NFATC2: variants seen among roughly 807,000 people sequenced by gnomAD.
NFATC2 encodes nuclear factor of activated T-cells, cytoplasmic 2.
NFATC2 carries 22 observed loss-of-function variants against 87.3 expected under a neutral mutation model. The ratio of observed to expected loss-of-function variants is 0.25; its 90% confidence interval spans 0.18 to 0.36. NFATC2 has a LOEUF of 0.36. NFATC2 is among the 10% of genes least tolerant of loss of function. The pLI, the probability that NFATC2 is intolerant of heterozygous loss-of-function variation, is 1.00. For missense variants in NFATC2, 1,149 were observed against 1,259.1 expected, an observed-to-expected ratio of 0.91 and a Z score of 1.32; for synonymous variants, 565 against 542.2, an observed-to-expected ratio of 1.04 and a Z score of -0.58.
At chr20:51,494,132 C>T (rs1226759757) in intron 3 of NFATC2, among the ~76,000 whole-genome samples, 5 of 151,994 alleles carry the variant, frequency 3.3e-5, no homozygotes, top group East Asian at 3.9e-4. Flanking sequence ...GCTCGGTCAC[C>T]GTTACTTTGC....
intron 5 of NFATC2, among the ~76,000 whole-genome samples, chr20:51,472,884 G>A (rs1416188459): frequency 8.6e-5 from 13 of 151,992 alleles, no homozygotes; most frequent in Non-Finnish European, 1.5e-5. Context: ...ATCCACCAAA[G>A]TGCTGGGATT....
At chr20:51,449,726 A>T (rs1310136423) in intron 6 of NFATC2, among the ~76,000 whole-genome samples, 1 of 152,166 alleles carries the variant, frequency 6.6e-6, no homozygotes, top group Non-Finnish European at 1.5e-5. Context: ...ACTGCCCTTT[A>T]TCAGCTGTGT....
rs374018534 is a variant in NFATC2, at chr20:51,524,069, G to A, written c.172C>T (p.Pro58Ser). 2.8e-5 allele frequency: 42 copies of A among 1,483,198 alleles called. No individual in the cohort carries two copies. Among genetic ancestry groups the A allele is most frequent in the East Asian group, 5.0e-5 (2 of 39,852 alleles). 91.9% of individuals were successfully genotyped at this position (1,483,198 alleles called of 1,614,324 possible). Residue 58 changes from proline (P) to serine (S), a missense_variant, in exon 2 of 11, where the codon CCC becomes TCC. Physicochemically the swap from Pro to Ser is moderately conservative, Grantham distance 74. Coordinates refer to ENST00000371564, the MANE Select transcript of NFATC2 (RefSeq NM_012340.5). This position sits in a 1 kb window ranked among gnomAD's most constrained non-coding sequence, Gnocchi z 4.0. ...TCCAGGACATCATCGGGGTATGCGG[G>A]TCCGGAGGGTGGGCTGGCGACCTTA... ...AHKVASPPSGPAYPDDVLDYG... is the reference protein window; with the variant it reads ...AHKVASPPSGSAYPDDVLDYG...
At chr20:51,403,370 G>C (rs1034641430) in intron 9 of NFATC2, among the ~76,000 whole-genome samples, 2 of 152,174 alleles carry the variant, frequency 1.3e-5, no homozygotes, top group African/African-American at 2.4e-5. Flanking sequence ...CACCTGGAGT[G>C]ACCAGCAAGG....
intron 9 of NFATC2, among the ~76,000 whole-genome samples, chr20:51,417,585 C>T (rs1980221961): frequency 6.6e-6 from 1 of 152,152 alleles, no homozygotes; most frequent in Non-Finnish European, 1.5e-5. Flanking sequence ...TATGCCCGTC[C>T]CCATCGTCAC....
At chr20:51,457,532 AAC>A (rs1986682395) in intron 5 of NFATC2, among the ~76,000 whole-genome samples, 1 of 151,966 alleles carries the variant, frequency 6.6e-6, no homozygotes, top group African/African-American at 2.4e-5. Context: ...CTCAGCAACC[AAC>A]AGATTCAACC....
chr20:51,449,246 AAAG>A (rs1985472479), intron 6 of NFATC2, among the ~76,000 whole-genome samples: 1 of 152,136 alleles, frequency 6.6e-6, no homozygotes, highest in African/African-American at 2.4e-5. Flanking sequence ...GTTTTGGAAA[AAAG>A]AAGTTGAGCA....
At position 51,396,789 on chromosome 20, in the gene NFATC2, G is replaced by GA. The variant is rs373727294; in HGVS notation, c.*44+1853dup. On this transcript the variant is annotated intron_variant, in intron 10 of 10. Coordinates refer to ENST00000371564, the MANE Select transcript of NFATC2 (RefSeq NM_012340.5). ...CCTCCATGCTTGGGTCAGGATGCAT[G>GA]AACCTGAAAGCACATGAAGTCCTCT... Among the ~76,000 whole-genome samples, 1,458 of 152,292 alleles carry GA rather than the reference G, an allele frequency of 9.6e-3. 29 individuals are homozygous for GA. Among genetic ancestry groups the GA allele is most frequent in the African/African-American group, 0.034 (1,412 of 41,552 alleles).
intron 6 of NFATC2, among the ~76,000 whole-genome samples, chr20:51,445,876 C>T (rs1984995085): frequency 6.6e-6 from 1 of 152,198 alleles, no homozygotes; most frequent in South Asian, 2.1e-4. Context: ...CTTGGATGCT[C>T]AGTCAAGGTC....
chr20:51,557,745 C>T lies in NFATC2; in HGVS notation c.70+4815G>A, dbSNP rs527409440. ...AAGCCACAGAACTTCTCCTGTGCTG[C>T]ACTCATTCCTAACTCATTCATTCAT... On this transcript the variant is annotated intron_variant, in intron 1 of 10. Transcript: ENST00000414705. Among the ~76,000 whole-genome samples the T allele has an allele frequency of 6.8e-4, 103 of 152,298 alleles. No individual in the cohort carries two copies. The Middle Eastern group carries it at 0.017, about 25-fold the overall frequency.
chr20:51,555,260 G>C (rs1035290027), intron 1 of NFATC2, among the ~76,000 whole-genome samples: 5 of 152,120 alleles, frequency 3.3e-5, no homozygotes, highest in Non-Finnish European at 7.4e-5. Context: ...TCCCCCAGGG[G>C]CTCCTGATTA....
At chr20:51,549,805 C>T (rs759564143) in intron 1 of NFATC2, among the ~76,000 whole-genome samples, 3 of 152,228 alleles carry the variant, frequency 2.0e-5, no homozygotes, top group Non-Finnish European at 4.4e-5. Flanking sequence ...ATGTGACATG[C>T]AGAGTCACAC....
rs1366847197 is a variant in NFATC2 at position 51,524,498 on chromosome 20, C to A, written c.131-388G>T. 6.6e-6 allele frequency among the ~76,000 whole-genome samples: 1 copy of A among 152,224 alleles called. No individual in the cohort carries two copies. Among genetic ancestry groups the A allele is most frequent in the Non-Finnish European group, 1.5e-5 (1 of 68,042 alleles). On this transcript the variant is annotated intron_variant, in intron 1 of 10. Coordinates refer to ENST00000371564, the MANE Select transcript of NFATC2 (RefSeq NM_012340.5). The surrounding 1 kb of genome is among the most constrained non-coding windows in gnomAD (Gnocchi z 4.0). ...TACATGACACCCTCAGACCCTCCCT[C>A]CTGCCTGAGTGATTTTGCTTCAACG...
intron 3 of NFATC2, among the ~76,000 whole-genome samples, chr20:51,478,173 G>A (rs73271838): frequency 0.14 from 20,978 of 152,150 alleles, 1,805 homozygotes; most frequent in African/African-American, 0.24. Context: ...CCTGAGAGGC[G>A]GCCTTGGGCC....
chr20:51,554,241 T>C (rs987609788), intron 1 of NFATC2, among the ~76,000 whole-genome samples: 5 of 152,214 alleles, frequency 3.3e-5, no homozygotes, highest in Non-Finnish European at 5.9e-5. Flanking sequence ...ACTTAGCTTA[T>C]AAATGACTTC....
chr20:51,523,560 G>A lies in NFATC2; in HGVS notation c.681C>T (p.Ala227=), dbSNP rs889829465. ...SPIMSPRTSL[A]EDSCLGRHSP... is the part of the protein sequence containing the mutation. ...AGTGGCGGCCCAGGCAGCTGTCCTC[G>A]GCGAGGCTGGTTCGAGGTGACATTA... The change falls in exon 2 of 11, where the codon GCC becomes GCT. Residue 227 remains alanine (A), a synonymous_variant. Coordinates refer to ENST00000371564, the MANE Select transcript of NFATC2 (RefSeq NM_012340.5). The surrounding 1 kb of genome is among the most constrained non-coding windows in gnomAD (Gnocchi z 6.9). The A allele has an allele frequency of 6.2e-7, 1 of 1,613,786 alleles. No individual in the cohort carries two copies. The highest frequency in any genetic ancestry group is 8.5e-7 in the Non-Finnish European group (1 of 1,179,804).
chr20:51,402,567 C>T (rs926321644), intron 9 of NFATC2, among the ~76,000 whole-genome samples: 2 of 151,938 alleles, frequency 1.3e-5, no homozygotes, highest in African/African-American at 4.8e-5. Context: ...ACAAATCAGC[C>T]TGTGATCACA....
At chr20:51,502,540 T>C (rs949427626) in intron 3 of NFATC2, among the ~76,000 whole-genome samples, 1 of 152,182 alleles carries the variant, frequency 6.6e-6, no homozygotes, top group Non-Finnish European at 1.5e-5. Context: ...CTGGTAATGT[T>C]GCCCAAGCTT....
intron 6 of NFATC2, among the ~76,000 whole-genome samples, chr20:51,452,260 C>A (rs556483191): frequency 2.0e-5 from 3 of 152,280 alleles, no homozygotes; most frequent in African/African-American, 7.2e-5. Flanking sequence ...AGCACTGCCT[C>A]TGCTGACCCT....
Sources: allele counts gnomAD v4.1 joint callset (sites outside exome capture counted in the v4.1 genomes callset), GRCh38; gene constraint gnomAD v4.1.1; non-coding constraint Gnocchi (gnomAD v3.1); transcripts MANE v1.5; gene names NCBI Gene and HGNC (gene_info 2026-07-23, HGNC 2026-07-21).